NCKAP5: variants seen among roughly 807,000 people sequenced by gnomAD.
NCKAP5 encodes the protein nck-associated protein 5.
NCKAP5 carries 92 observed loss-of-function variants against 167.0 expected under a neutral mutation model. That is an observed-to-expected ratio of 0.55 (90% CI 0.47 to 0.66). NCKAP5 has a LOEUF of 0.66. Among genes scored for constraint, NCKAP5 ranks in the 30% least tolerant of loss-of-function variants. The pLI is 0.00. For synonymous variants in NCKAP5, 891 were observed against 877.4 expected (o/e 1.02, Z -0.27); for missense variants, 2,378 against 2,315.0 (o/e 1.03, Z -0.56).
At chr2:133,334,384 C>G (rs569617329) in intron 3 of NCKAP5, among the ~76,000 whole-genome samples, 4 of 152,222 alleles carry the variant, frequency 2.6e-5, no homozygotes, top group Admixed American at 1.3e-4. Context: ...GCATGCCATG[C>G]GACAGATGCT....
chr2:132,992,609 T>C (rs2077480190), intron 7 of NCKAP5, among the ~76,000 whole-genome samples: 1 of 152,220 alleles, frequency 6.6e-6, no homozygotes, highest in South Asian at 2.1e-4. Context: ...GTCGCATTTT[T>C]TACTTACACC....
Position 132,782,228 on chromosome 2 carries a change from G to C in NCKAP5, c.4583C>G (p.Ser1528Cys). 6.2e-7 allele frequency: 1 copy of C among 1,613,796 alleles called. No homozygotes were observed. Among genetic ancestry groups the C allele is most frequent in the Non-Finnish European group, 8.5e-7 (1 of 1,179,880 alleles). Reference sequence around the variant, plus strand: ...ATCTTTCTTTTCTACTTTGGTTTTGGAGATGTCCATTTTCCTGCTACTCAG... The same window carrying C: ...ATCTTTCTTTTCTACTTTGGTTTTGCAGATGTCCATTTTCCTGCTACTCAG... ...PALSSRKMDI[S>C]KTKVEKKDAK... Residue 1528 changes from serine (S) to cysteine (C), a missense_variant, in exon 14 of 20, where the codon TCC (serine) becomes TGC (cysteine). By Grantham distance (112) the Ser-to-Cys change is moderately radical. Coordinates refer to ENST00000409261, the MANE Select transcript of NCKAP5 (RefSeq NM_207363.3).
At chr2:133,522,076 G>A (rs555722776) in intron 2 of NCKAP5, among the ~76,000 whole-genome samples, 1 of 152,176 alleles carries the variant, frequency 6.6e-6, no homozygotes, top group Admixed American at 6.5e-5. Context: ...CTTGGTCAGT[G>A]TGTTAATGTT....
chr2:133,154,886 G>A (rs1406956769), intron 5 of NCKAP5, among the ~76,000 whole-genome samples: 3 of 152,146 alleles, frequency 2.0e-5, no homozygotes, highest in Non-Finnish European at 4.4e-5. Context: ...AATATAATGC[G>A]ATCTTAGAAG....
intron 6 of NCKAP5, among the ~76,000 whole-genome samples, chr2:133,056,446 T>C (rs2079804477): frequency 6.6e-6 from 1 of 152,168 alleles, no homozygotes; most frequent in African/African-American, 2.4e-5. Context: ...AATTTCTTCT[T>C]TAAAACATTA....
chr2:132,725,509 G>A (rs955083508), intron 19 of NCKAP5, 118 bp downstream of exon 19: 2 of 1,242,146 alleles, frequency 1.6e-6, no homozygotes, highest in African/African-American at 1.5e-5. Flanking sequence ...GATCTCAGGA[G>A]AGACATGAAG....
chr2:133,624,459 C>T, the NCKAP5 span, among the ~76,000 whole-genome samples: 1 of 152,052 alleles, frequency 6.6e-6, no homozygotes, highest in Non-Finnish European at 1.5e-5. Context: ...TGCCACTGAG[C>T]TGCAGGCTCT....
chr2:132,705,713 T>C (rs946472408), intron 19 of NCKAP5, among the ~76,000 whole-genome samples: 1 of 152,112 alleles, frequency 6.6e-6, no homozygotes, highest in Non-Finnish European at 1.5e-5. Flanking sequence ...CCCAAGAGCA[T>C]GCCTTTAAAA....
chr2:132,713,436 C>A (rs1558958370), intron 19 of NCKAP5, among the ~76,000 whole-genome samples: 1 of 152,170 alleles, frequency 6.6e-6, no homozygotes. Flanking sequence ...TGCTGAAGAT[C>A]ACCAAGTAAG....
intron 8 of NCKAP5, among the ~76,000 whole-genome samples, chr2:132,939,407 T>C (rs1301873449): frequency 6.6e-6 from 1 of 152,122 alleles, no homozygotes; most frequent in East Asian, 1.9e-4. Context: ...ATACGATGGG[T>C]AGGGTGGGTA....
chr2:133,193,405 A>G (rs2085312081), intron 5 of NCKAP5, among the ~76,000 whole-genome samples: 1 of 152,026 alleles, frequency 6.6e-6, no homozygotes, highest in South Asian at 2.1e-4. Flanking sequence ...AATTGGGTAA[A>G]GGGTCCTCTG....
intron 11 of NCKAP5, among the ~76,000 whole-genome samples, chr2:132,800,889 A>G (rs148453468): frequency 9.2e-5 from 14 of 152,220 alleles, no homozygotes; most frequent in African/African-American, 3.4e-4. Context: ...TAATTTCTAC[A>G]TTGTCCCAGT....
At chr2:133,040,115 C>A (rs1406113972) in intron 6 of NCKAP5, among the ~76,000 whole-genome samples, 3 of 151,952 alleles carry the variant, frequency 2.0e-5, no homozygotes, top group Non-Finnish European at 4.4e-5. Flanking sequence ...AGAAGCACAT[C>A]TAGCATGCCT....
At chr2:133,185,763 A>C (rs1270248275) in intron 5 of NCKAP5, among the ~76,000 whole-genome samples, 4 of 151,988 alleles carry the variant, frequency 2.6e-5, no homozygotes, top group African/African-American at 7.2e-5. Context: ...TCTCAGCTAG[A>C]ATATTATTAG....
At chr2:133,555,221 A>G (rs1687655932) in intron 2 of NCKAP5, among the ~76,000 whole-genome samples, 1 of 152,096 alleles carries the variant, frequency 6.6e-6, no homozygotes, top group African/African-American at 2.4e-5. Flanking sequence ...ACCGACTAAC[A>G]TATTATCTCT....
At chr2:133,308,323 T>C (rs955799974) in intron 3 of NCKAP5, among the ~76,000 whole-genome samples, 3 of 151,676 alleles carry the variant, frequency 2.0e-5, no homozygotes, top group Admixed American at 6.6e-5. Flanking sequence ...CTCCTGACCT[T>C]GTGATCCGCC....
intron 16 of NCKAP5, 82 bp downstream of exon 16, chr2:132,773,734 C>A: frequency 9.0e-7 from 1 of 1,116,940 alleles, no homozygotes; most frequent in South Asian, 1.4e-5. Flanking sequence ...GGGACATGGT[C>A]TCTAGGAATG....
At chr2:133,571,408 G>A (rs1688863238), upstream of NCKAP5, among the ~76,000 whole-genome samples, 1 of 152,038 alleles carries the variant, frequency 6.6e-6, no homozygotes, top group Non-Finnish European at 1.5e-5. Flanking sequence ...CTACCTACTA[G>A]GTGATTATGA....
At chr2:133,397,660 G>A (rs1443211175) in intron 3 of NCKAP5, among the ~76,000 whole-genome samples, 2 of 152,214 alleles carry the variant, frequency 1.3e-5, no homozygotes, top group African/African-American at 2.4e-5. Context: ...AGGTTGTAGA[G>A]TGCACAGGGT....
Sources: allele counts gnomAD v4.1 joint callset (sites outside exome capture counted in the v4.1 genomes callset), GRCh38; gene constraint gnomAD v4.1.1; transcripts MANE v1.5; gene names NCBI Gene and HGNC (gene_info 2026-07-23, HGNC 2026-07-21).